ELF5: variants seen among roughly 807,000 people sequenced by gnomAD.
ELF5 encodes ETS-related transcription factor Elf-5.
Under a neutral mutation model 38.2 loss-of-function variants are expected in ELF5, and 31 were observed. The ratio of observed to expected loss-of-function variants is 0.81; its 90% CI spans 0.61 to 1.10. The LOEUF is 1.10. Among genes scored for constraint, ELF5 ranks in the 50% least tolerant of loss-of-function variants. ELF5 has a pLI of 0.00. For synonymous variants in ELF5, 121 were observed against 112.5 expected (o/e 1.08, Z -0.48); for missense variants, 300 against 306.6 (o/e 0.98, Z 0.16).
intron 4 of ELF5, among the ~76,000 whole-genome samples, chr11:34,484,392 C>A (rs990594855): frequency 2.0e-5 from 3 of 151,526 alleles, no homozygotes; most frequent in South Asian, 2.1e-4. Context: ...CTGTACTATA[C>A]TATACTAACT....
Position 34,484,824 on chromosome 11 carries a change from G to A in ELF5, c.407-2325C>T, listed in dbSNP as rs1008183375. Among the ~76,000 whole-genome samples, 4 of 152,018 alleles carry A rather than the reference G, an allele frequency of 2.6e-5. No individual in the cohort carries two copies. In the East Asian group the frequency reaches 7.7e-4, roughly 29 times the overall value. ...TTCCCTTAGGTCAAATGGTTCCATT[G>A]AGGCAAGGCTTTCTTCTGCCTCAGG... On this transcript the variant is annotated intron_variant, in intron 4 of 6. Coordinates refer to ENST00000257832, the MANE Select transcript of ELF5 (RefSeq NM_001422.4).
At chr11:34,498,729 A>G (rs1850378230) in intron 2 of ELF5, among the ~76,000 whole-genome samples, 1 of 152,194 alleles carries the variant, frequency 6.6e-6, no homozygotes, top group African/African-American at 2.4e-5. Flanking sequence ...GGGTGAGTCC[A>G]TTAATCCCCC....
intron 4 of ELF5, among the ~76,000 whole-genome samples, chr11:34,485,109 C>T (rs1849953208): frequency 6.6e-6 from 1 of 152,174 alleles, no homozygotes; most frequent in Non-Finnish European, 1.5e-5. Context: ...CATAGAGTAT[C>T]TCATTTCAAA....
intron 2 of ELF5, 135 bp downstream of exon 2, chr11:34,505,494 G>A: frequency 3.0e-6 from 4 of 1,317,456 alleles, no homozygotes; most frequent in East Asian, 2.5e-5. Context: ...CCATCCAGGA[G>A]CCCTCCAGCC....
At chr11:34,508,477 T>A (rs1384872242) in intron 1 of ELF5, among the ~76,000 whole-genome samples, 1 of 151,836 alleles carries the variant, frequency 6.6e-6, no homozygotes, top group Non-Finnish European at 1.5e-5. Context: ...CACTCCAGCC[T>A]GGGCGACAGA....
chr11:34,480,876 T>C lies in ELF5; in HGVS notation c.567A>G (p.Glu189=). 1 of 1,614,146 alleles carries C rather than the reference T, an allele frequency of 6.2e-7. No individual in the cohort carries two copies. The highest frequency in any genetic ancestry group is 8.5e-7 in the Non-Finnish European group (1 of 1,180,018). Residue 189 remains glutamate (E), a synonymous_variant, in exon 6 of 7, where the codon GAA becomes GAG. Coordinates refer to ENST00000257832, the MANE Select transcript of ELF5 (RefSeq NM_001422.4). ...ATTTAACCACCCGAAAAATTCCTTG[T>C]TCCCTATCTTCCCATTCCAGAATGC... ...NCGILEWEDR[E]QGIFRVVKSE... is the part of the protein sequence containing the mutation.
intron 2 of ELF5, among the ~76,000 whole-genome samples, chr11:34,494,842 C>T (rs1374337058): frequency 6.6e-6 from 1 of 152,142 alleles, no homozygotes; most frequent in East Asian, 1.9e-4. Context: ...ATTACAGCAC[C>T]TGTATCATAG....
rs751397954 is a variant in ELF5 at position 34,505,625 on chromosome 11, G to C, written c.121+4C>G. The C allele has an allele frequency of 1.7e-5, 27 of 1,613,462 alleles. No individual in the cohort carries two copies. Among genetic ancestry groups the C allele is most frequent in the Non-Finnish European group, 2.2e-5 (26 of 1,179,696 alleles). On this transcript the variant is annotated splice_donor_region_variant and intron_variant, in intron 2 of 6. Transcript: ENST00000257832. ...CTCAGATGGGCTCCTTCAAATGTAC[G>C]CACCTGTCTGATGCTCAAAGGCAGG... is the stretch of plus-strand genomic sequence containing the variant.
intron 4 of ELF5, among the ~76,000 whole-genome samples, chr11:34,487,634 C>G (rs1407490689): frequency 6.6e-6 from 1 of 152,178 alleles, no homozygotes; most frequent in African/African-American, 2.4e-5. Context: ...GGTGAGTGAT[C>G]TGGCCCTATC....
chr11:34,498,501 T>C (rs1241744117), intron 2 of ELF5, among the ~76,000 whole-genome samples: 2 of 152,172 alleles, frequency 1.3e-5, no homozygotes, highest in East Asian at 3.8e-4. Context: ...CTGAGTTAGG[T>C]CCCTTAATGC....
chr11:34,489,965 A>T, intron 4 of ELF5, 44 bp downstream of exon 4: 1 of 1,609,432 alleles, frequency 6.2e-7, no homozygotes, highest in Non-Finnish European at 8.5e-7. Flanking sequence ...TGTACCAATG[A>T]CAACCTTGAC....
rs1850244141 is a variant in ELF5, at chr11:34,493,771, C to A, written c.122-59G>T. ...GTCCCAAGACAGCCTTCGAGAGGGC[C>A]CCTGAAGGATGCATCAGTTAAGTAA... is the stretch of plus-strand genomic sequence containing the variant. On this transcript the variant is annotated intron_variant, in intron 2 of 6. Transcript: ENST00000257832. 2.7e-6 allele frequency: 4 copies of A among 1,474,172 alleles called. No individual in the cohort carries two copies. In the South Asian group the frequency reaches 4.7e-5, roughly 17 times the overall value. 91.3% of individuals were successfully genotyped at this position (1,474,172 alleles called of 1,614,324 possible).
chr11:34,480,697 A>G, intron 6 of ELF5, 75 bp downstream of exon 6: 3 of 1,502,492 alleles, frequency 2.0e-6, no homozygotes, highest in Non-Finnish European at 2.7e-6. Flanking sequence ...CTGCAAAAAC[A>G]GTGTAATTTT....
chr11:34,495,032 G>T (rs1175508223), intron 2 of ELF5, among the ~76,000 whole-genome samples: 4 of 152,216 alleles, frequency 2.6e-5, no homozygotes, highest in Non-Finnish European at 5.9e-5. Flanking sequence ...GATCACAGAA[G>T]AGGAACTTGA....
chr11:34,488,465 G>A (rs35960263), intron 4 of ELF5, among the ~76,000 whole-genome samples: 45,465 of 152,044 alleles, frequency 0.3, 8,769 homozygotes, highest in Non-Finnish European at 0.42. Context: ...TAGCACTAGG[G>A]CTTGTCTCAT....
chr11:34,508,635 C>T (rs551564645), intron 1 of ELF5, among the ~76,000 whole-genome samples: 18 of 152,290 alleles, frequency 1.2e-4, no homozygotes, highest in African/African-American at 4.1e-4. Context: ...TCCTAAAATA[C>T]CTGGCCCTTT....
At chr11:34,508,862 T>G (rs1047530647) in intron 1 of ELF5, among the ~76,000 whole-genome samples, 1 of 152,242 alleles carries the variant, frequency 6.6e-6, no homozygotes, top group African/African-American at 2.4e-5. Context: ...CTTAGTTTTC[T>G]GACTCTCAGC....
chr11:34,506,758 CCCTTCTTGGCCT>C lies in ELF5; in HGVS notation c.-4-1017_-4-1006del, dbSNP rs577646317. On this transcript the variant is annotated intron_variant, in intron 1 of 6. Coordinates refer to ENST00000257832, the MANE Select transcript of ELF5 (RefSeq NM_001422.4). Reference sequence around the variant, plus strand: ...CGAACTCCTGACCTCAAGTGATCTCCCCTTCTTGGCCTCCCAAAGTCCTGGGATTACAGGTGT... The same window carrying C: ...CGAACTCCTGACCTCAAGTGATCTCCCCCAAAGTCCTGGGATTACAGGTGT... 2.4e-3 allele frequency among the ~76,000 whole-genome samples: 371 copies of C among 152,222 alleles called. 5 individuals are homozygous for C. Among genetic ancestry groups the C allele is most frequent in the African/African-American group, 8.6e-3 (359 of 41,516 alleles).
chr11:34,509,238 G>A (rs1292894597), intron 1 of ELF5, among the ~76,000 whole-genome samples: 2 of 152,168 alleles, frequency 1.3e-5, no homozygotes, highest in Non-Finnish European at 2.9e-5. Flanking sequence ...GTTGAGGCAT[G>A]AGAATCACGA....
Sources: allele counts gnomAD v4.1 joint callset (sites outside exome capture counted in the v4.1 genomes callset), GRCh38; gene constraint gnomAD v4.1.1; transcripts MANE v1.5; gene names NCBI Gene and HGNC (gene_info 2026-07-23, HGNC 2026-07-21).